Variants in BTBD7 observed in about 807,000 individuals in gnomAD.
BTBD7 encodes the protein BTB/POZ domain-containing protein 7.
BTBD7 carries 38 observed loss-of-function variants against 99.9 expected under a neutral mutation model. The ratio of observed to expected loss-of-function variants is 0.38; its 90% confidence interval spans 0.29 to 0.50. The LOEUF is 0.50. Among genes scored for constraint, BTBD7 ranks in the 20% least tolerant of loss-of-function variants. BTBD7 has a pLI of 0.93. For synonymous variants in BTBD7, 520 were observed against 511.4 expected, an observed-to-expected ratio of 1.02 and a Z score of -0.23; for missense variants, 1,170 against 1,394.6, an observed-to-expected ratio of 0.84 and a Z score of 2.57.
In BTBD7 at chr14:93,239,291, A is replaced by G. The variant is rs529000362; in HGVS notation, c.*2982T>C. 6.5e-6 allele frequency: 1 copy of G among 152,702 alleles called. No individual in the cohort carries two copies. Among genetic ancestry groups the G allele is most frequent in the African/African-American group, 2.4e-5 (1 of 41,560 alleles). The allele number at this position is 152,702 out of a possible 1,614,324, so 9.5% of individuals were successfully genotyped here. A position where few individuals can be genotyped will look rare whatever the true frequency, so the allele number is the denominator to read the frequency against. ...TGTAAACGGTAGGTCTCTAACCTCA[A>G]CGCACAGCGGGCACTGGAAGCGGTG... is the stretch of plus-strand genomic sequence containing the variant. On this transcript the variant is annotated 3_prime_UTR_variant, in exon 11 of 11. Transcript: ENST00000334746.
chr14:93,278,349 G>A (rs1042953835), intron 3 of BTBD7, among the ~76,000 whole-genome samples: 3 of 152,184 alleles, frequency 2.0e-5, no homozygotes, highest in Non-Finnish European at 4.4e-5. Context: ...AGGAGGCGGA[G>A]GTTGCAGTGA....
intron 1 of BTBD7, among the ~76,000 whole-genome samples, chr14:93,330,270 A>C (rs1433681024): frequency 6.6e-6 from 1 of 152,184 alleles, no homozygotes. Flanking sequence ...CAACTGACTA[A>C]AGTTTCCTAA....
At chr14:93,265,589 T>C (rs1427627537) in intron 3 of BTBD7, among the ~76,000 whole-genome samples, 1 of 152,222 alleles carries the variant, frequency 6.6e-6, no homozygotes, top group Non-Finnish European at 1.5e-5. Flanking sequence ...ACTGATTAAC[T>C]TGATGCGTGG....
At chr14:93,257,154 T>A (rs2052438988) in intron 6 of BTBD7, 41 bp downstream of exon 6, 3 of 1,588,078 alleles carry the variant, frequency 1.9e-6, no homozygotes, top group South Asian at 1.1e-5. Context: ...CACCTGGCAT[T>A]TTTCTTTTCA....
chr14:93,314,650 AG>A (rs2053178546), intron 1 of BTBD7, among the ~76,000 whole-genome samples: 35 of 152,154 alleles, frequency 2.3e-4, no homozygotes, highest in Admixed American at 2.3e-3. Flanking sequence ...CACTCTGCCC[AG>A]TCTAAATTAT....
At chr14:93,282,867 A>G (rs984907900) in intron 3 of BTBD7, among the ~76,000 whole-genome samples, 3 of 152,116 alleles carry the variant, frequency 2.0e-5, no homozygotes, top group Admixed American at 1.3e-4. Flanking sequence ...GATGTTAATT[A>G]TTCTATTTTA....
At position 93,324,083 on chromosome 14, in the gene BTBD7, T is replaced by C. The variant is rs118131586; in HGVS notation, c.-107+8737A>G. Among the ~76,000 whole-genome samples the C allele has an allele frequency of 2.1e-3, 320 of 152,312 alleles. 5 individuals carry two copies. The East Asian group carries it at 0.023, about 11-fold the overall frequency. On this transcript the variant is annotated intron_variant, in intron 1 of 10. Transcript: ENST00000334746. ...ACTATTGTGCAAAGTTCCAAAAGAATGTATGACTGTTGGTAAAGGTATCAT... is the reference window on the plus strand; with the variant it reads ...ACTATTGTGCAAAGTTCCAAAAGAACGTATGACTGTTGGTAAAGGTATCAT...
chr14:93,329,595 T>G (rs76575495), intron 1 of BTBD7, among the ~76,000 whole-genome samples: 3 of 152,128 alleles, frequency 2.0e-5, no homozygotes, highest in Admixed American at 6.5e-5. Flanking sequence ...TAACATACAA[T>G]GGAATATTAT....
intron 3 of BTBD7, among the ~76,000 whole-genome samples, chr14:93,273,246 G>A (rs114613427): frequency 0.017 from 2,553 of 152,242 alleles, 76 homozygotes; most frequent in African/African-American, 0.059. Context: ...CAATCATGGT[G>A]GCACTTGAAT....
chr14:93,286,628 T>C (rs1453897662), intron 3 of BTBD7, among the ~76,000 whole-genome samples: 2 of 152,176 alleles, frequency 1.3e-5, no homozygotes, highest in African/African-American at 4.8e-5. Flanking sequence ...GGAAATTGGG[T>C]CCAGTATTTC....
At chr14:93,248,832 A>C (rs2052341764) in intron 8 of BTBD7, among the ~76,000 whole-genome samples, 178 bp from the exon 9 acceptor site, 2 of 152,230 alleles carry the variant, frequency 1.3e-5, no homozygotes, top group African/African-American at 4.8e-5. Context: ...TCAAGGTTTT[A>C]AAATTTCACT....
intron 5 of BTBD7, among the ~76,000 whole-genome samples, chr14:93,260,265 A>G (rs903767277): frequency 6.6e-6 from 1 of 152,248 alleles, no homozygotes; most frequent in Admixed American, 6.5e-5. Context: ...CATAAATTAT[A>G]TCTAAATAAA....
chr14:93,313,066 TTCTG>T (rs1189799859), intron 1 of BTBD7, among the ~76,000 whole-genome samples: 1 of 152,222 alleles, frequency 6.6e-6, no homozygotes. Context: ...CAAATTAATA[TTCTG>T]CAGTAAAATA....
At chr14:93,270,205 A>G (rs533493905) in intron 3 of BTBD7, among the ~76,000 whole-genome samples, 56 of 152,096 alleles carry the variant, frequency 3.7e-4, no homozygotes, top group African/African-American at 1.0e-3. Flanking sequence ...AAGCAATTCT[A>G]CTGCCTCAGC....
chr14:93,284,067 A>G (rs1218386460), intron 3 of BTBD7, among the ~76,000 whole-genome samples: 1 of 152,188 alleles, frequency 6.6e-6, no homozygotes, highest in African/African-American at 2.4e-5. Context: ...TCTCATTACT[A>G]TACCTTTTTA....
intron 1 of BTBD7, among the ~76,000 whole-genome samples, chr14:93,326,572 C>T (rs980232652): frequency 2.6e-5 from 4 of 151,986 alleles, no homozygotes; most frequent in South Asian, 4.1e-4. Context: ...GAGGCTGAGG[C>T]GGGTGGGTCA....
rs564546004 is a variant in BTBD7, at chr14:93,279,640, C to T, written c.1162+14218G>A. Among the ~76,000 whole-genome samples the T allele has an allele frequency of 3.5e-4, 53 of 152,224 alleles. 1 individual carries two copies. The highest frequency in any genetic ancestry group is 1.2e-3 in the African/African-American group (48 of 41,548). On this transcript the variant is annotated intron_variant, in intron 3 of 10. Transcript: ENST00000334746. ...CCAGCTCACTGCAACCTCCGACTCC[C>T]GGGTTCAAGCGATTCTCCTGCCTCA...
At chr14:93,268,966 C>A (rs1444707428) in intron 3 of BTBD7, among the ~76,000 whole-genome samples, 1 of 152,002 alleles carries the variant, frequency 6.6e-6, no homozygotes, top group African/African-American at 2.4e-5. Context: ...ACCATGTTGG[C>A]CAGGCTGGTC....
chr14:93,268,753 G>A (rs796560039), intron 3 of BTBD7, among the ~76,000 whole-genome samples: 77 of 136,284 alleles, frequency 5.6e-4, no homozygotes, highest in African/African-American at 1.9e-3. Flanking sequence ...CTCTAACTTA[G>A]ACCTTTTTTT....
Sources: gnomAD v4.1 joint callset for allele counts (sites outside exome capture counted in the v4.1 genomes callset) on GRCh38, gnomAD v4.1.1 for gene constraint, MANE v1.5 for transcripts, NCBI Gene and HGNC (gene_info 2026-07-23, HGNC 2026-07-21) for gene names.